EBF2: variants seen among roughly 807,000 people sequenced by gnomAD.
The protein encoded by EBF2 is EBF transcription factor 2.
Under a neutral mutation model 72.8 loss-of-function variants are expected in EBF2, and 21 were observed. That is an observed-to-expected ratio of 0.29 (90% confidence interval 0.20 to 0.42). EBF2 has a LOEUF of 0.42. Ranked by LOEUF, EBF2 falls within the 10% of genes least tolerant of loss-of-function variation. The pLI is 1.00. For missense variants in EBF2, 637 were observed against 731.2 expected, an observed-to-expected ratio of 0.87 and a Z score of 1.49; for synonymous variants, 299 against 274.2, an observed-to-expected ratio of 1.09 and a Z score of -0.89.
intron 6 of EBF2, among the ~76,000 whole-genome samples, chr8:25,934,276 C>T (rs1261967820): frequency 7.4e-6 from 1 of 135,462 alleles, no homozygotes; most frequent in Non-Finnish European, 1.6e-5. Flanking sequence ...CACACACACA[C>T]CAATCTTGTT....
chr8:25,918,678 G>C, intron 6 of EBF2, among the ~76,000 whole-genome samples: 1 of 152,072 alleles, frequency 6.6e-6, no homozygotes, highest in African/African-American at 2.4e-5. Flanking sequence ...GTTTGATGTC[G>C]CATACAAACT....
intron 6 of EBF2, among the ~76,000 whole-genome samples, chr8:25,992,333 C>CAAAAAAAAA (rs36020598): frequency 7.6e-5 from 4 of 52,546 alleles, no homozygotes; most frequent in East Asian, 7.7e-4. Context: ...GACTCTGTCT[C>CAAAAAAAAA]AAAAAAAAAA....
At chr8:25,939,403 T>C (rs762869999) in intron 6 of EBF2, among the ~76,000 whole-genome samples, 1 of 152,170 alleles carries the variant, frequency 6.6e-6, no homozygotes, top group Non-Finnish European at 1.5e-5. Context: ...CGTGTGTATG[T>C]GTGTGTGTTT....
intron 6 of EBF2, among the ~76,000 whole-genome samples, chr8:25,941,626 C>T (rs1160230383): frequency 6.6e-6 from 1 of 152,154 alleles, no homozygotes; most frequent in Non-Finnish European, 1.5e-5. Context: ...ATGACTCCTC[C>T]TCCATCTGAG....
At chr8:25,945,069 G>A (rs535733698) in intron 6 of EBF2, among the ~76,000 whole-genome samples, 51 of 149,734 alleles carry the variant, frequency 3.4e-4, no homozygotes, top group Non-Finnish European at 5.3e-4. Flanking sequence ...TTATTCAAGC[G>A]TGAAAAGATT....
intron 10 of EBF2, among the ~76,000 whole-genome samples, chr8:25,867,386 C>A (rs1013118362): frequency 6.6e-6 from 1 of 152,192 alleles, no homozygotes; most frequent in African/African-American, 2.4e-5. Flanking sequence ...TTTAGCCAAG[C>A]CAACAGGAAC....
chr8:26,009,189 T>C (rs1285605902), intron 6 of EBF2, among the ~76,000 whole-genome samples: 1 of 152,050 alleles, frequency 6.6e-6, no homozygotes, highest in Non-Finnish European at 1.5e-5. Context: ...TATTTTGCTC[T>C]TTCTTTCCTT....
chr8:25,851,487 G>A (rs894263860), intron 14 of EBF2, among the ~76,000 whole-genome samples: 3 of 152,098 alleles, frequency 2.0e-5, no homozygotes, highest in South Asian at 4.2e-4. Flanking sequence ...AAAAATAAAA[G>A]CAATTTACAT....
In EBF2 at chr8:26,044,928, C is replaced by T. The variant is rs1459501628; in HGVS notation, c.-69G>A. 1.0e-5 allele frequency: 16 copies of T among 1,531,878 alleles called. No homozygotes were observed. Among genetic ancestry groups the T allele is most frequent in the Non-Finnish European group, 9.7e-6 (11 of 1,128,804 alleles). The allele number at this position is 1,531,878 out of a possible 1,614,324, so 94.9% of individuals were successfully genotyped here. Reference sequence around the variant, plus strand: ...ACAACACAGTCCTGACTGTTCCCAACGTTGCCAGCAAATCGTCTCCTCCAA... The same window carrying T: ...ACAACACAGTCCTGACTGTTCCCAATGTTGCCAGCAAATCGTCTCCTCCAA... On this transcript the variant is annotated 5_prime_UTR_variant, in exon 1 of 16. Transcript: ENST00000520164. This position sits in a 1 kb window ranked among gnomAD's most constrained non-coding sequence, Gnocchi z 4.1.
At chr8:25,996,295 CAAA>C (rs72054331) in intron 6 of EBF2, among the ~76,000 whole-genome samples, 19 of 125,504 alleles carry the variant, frequency 1.5e-4, no homozygotes, top group Non-Finnish European at 1.9e-4. Flanking sequence ...GACCCTGTCT[CAAA>C]AAAAAAAAAA....
intron 14 of EBF2, among the ~76,000 whole-genome samples, chr8:25,851,387 CAT>C (rs1465280492): frequency 8.4e-6 from 1 of 119,496 alleles, no homozygotes; most frequent in African/African-American, 3.9e-5. Flanking sequence ...CCTCCCCTGA[CAT>C]AATGTTTAGA....
chr8:26,019,303 A>C (rs1805167327), intron 6 of EBF2, among the ~76,000 whole-genome samples: 1 of 152,062 alleles, frequency 6.6e-6, no homozygotes, highest in Non-Finnish European at 1.5e-5. Flanking sequence ...ACTCAAAAAA[A>C]AAAAAAGGTT....
At chr8:25,986,126 A>G (rs944727711) in intron 6 of EBF2, among the ~76,000 whole-genome samples, 5 of 151,386 alleles carry the variant, frequency 3.3e-5, no homozygotes, top group African/African-American at 4.9e-5. Context: ...TTGAGCAACT[A>G]TTATATGCTG....
chr8:25,987,443 A>G (rs1490421710), intron 6 of EBF2, among the ~76,000 whole-genome samples: 2 of 152,112 alleles, frequency 1.3e-5, no homozygotes, highest in Non-Finnish European at 2.9e-5. Context: ...CCTTCTCTTC[A>G]TCACTCTATG....
At chr8:25,933,698 T>G (rs1356338392) in intron 6 of EBF2, among the ~76,000 whole-genome samples, 4 of 152,184 alleles carry the variant, frequency 2.6e-5, no homozygotes, top group Non-Finnish European at 1.5e-5. Context: ...AAATGGATAA[T>G]TGACTATGAT....
At chr8:25,912,313 TG>T (rs562480599) in intron 6 of EBF2, among the ~76,000 whole-genome samples, 126 of 152,286 alleles carry the variant, frequency 8.3e-4, no homozygotes, top group Non-Finnish European at 1.6e-3. Flanking sequence ...GCATGTTTCC[TG>T]CACCAATGAC....
chr8:25,881,890 G>A (rs1802611034), intron 10 of EBF2, among the ~76,000 whole-genome samples: 1 of 152,172 alleles, frequency 6.6e-6, no homozygotes, highest in African/African-American at 2.4e-5. Context: ...TGGGGCAGTT[G>A]GAGGAGAACC....
At chr8:25,904,696 G>C (rs113960519) in intron 7 of EBF2, among the ~76,000 whole-genome samples, 2,412 of 152,232 alleles carry the variant, frequency 0.016, 74 homozygotes, top group African/African-American at 0.054. Context: ...ACCACCATGA[G>C]TATGCACTCT....
intron 4 of EBF2, among the ~76,000 whole-genome samples, chr8:26,040,348 A>G (rs946448238): frequency 1.3e-5 from 2 of 152,072 alleles, no homozygotes; most frequent in African/African-American, 4.8e-5. Context: ...GAATCTCCCA[A>G]TAATTGTTTC....
Sources: gnomAD v4.1 joint callset for allele counts (sites outside exome capture counted in the v4.1 genomes callset) on GRCh38, gnomAD v4.1.1 for gene constraint, Gnocchi (gnomAD v3.1) non-coding constraint, MANE v1.5 for transcripts, NCBI Gene and HGNC (gene_info 2026-07-23, HGNC 2026-07-21) for gene names.